MTFR1: variants seen among roughly 807,000 people sequenced by gnomAD.
MTFR1 encodes the protein mitochondrial fission regulator 1.
In MTFR1, 28 loss-of-function variants were observed where a neutral mutation model predicts 38.8. The ratio of observed to expected loss-of-function variants is 0.72; its 90% CI spans 0.53 to 0.99. MTFR1 has a LOEUF of 0.99. Ranked by LOEUF, MTFR1 falls within the 50% of genes least tolerant of loss-of-function variation. MTFR1 has a pLI of 0.00. For synonymous variants in MTFR1, 145 were observed against 137.0 expected, an observed-to-expected ratio of 1.06 and a Z score of -0.41; for missense variants, 358 against 395.5, an observed-to-expected ratio of 0.91 and a Z score of 0.81.
intron 3 of MTFR1, chr8:65,747,552 G>C: frequency 1.5e-6 from 1 of 663,394 alleles, no homozygotes; most frequent in Non-Finnish European, 2.3e-6. Context: ...GCTTTTCATA[G>C]ACAGAGAAAA....
chr8:65,677,582 G>T (rs918599955), intron 2 of MTFR1, among the ~76,000 whole-genome samples: 3 of 149,952 alleles, frequency 2.0e-5, no homozygotes, highest in African/African-American at 4.9e-5. Flanking sequence ...GGGTTTCACC[G>T]TGTTACCCAG....
At chr8:65,777,505 GATA>G in the MTFR1 span, among the ~76,000 whole-genome samples, 1 of 152,084 alleles carries the variant, frequency 6.6e-6, no homozygotes, top group African/African-American at 2.4e-5. Context: ...GATATAATTT[GATA>G]ATATGTTATT....
intron 3 of MTFR1, among the ~76,000 whole-genome samples, chr8:65,688,804 T>C (rs1228874503): frequency 6.6e-6 from 1 of 152,214 alleles, no homozygotes; most frequent in East Asian, 1.9e-4. Flanking sequence ...TAAATCTATG[T>C]AGGTAAAAAG....
chr8:65,690,061 G>C (rs374087922), intron 3 of MTFR1, among the ~76,000 whole-genome samples: 19 of 151,934 alleles, frequency 1.3e-4, no homozygotes, highest in East Asian at 5.8e-4. Context: ...GTTGTATCTT[G>C]TTGTTTTGTT....
intron 2 of MTFR1, chr8:65,682,079 C>G (rs1804911539): frequency 5.7e-6 from 1 of 174,666 alleles, no homozygotes; most frequent in South Asian, 2.0e-4. Flanking sequence ...AAAATTTTTA[C>G]TGTAAGTATA....
chr8:65,690,367 T>C (rs117469549), intron 3 of MTFR1, among the ~76,000 whole-genome samples: 6,298 of 151,868 alleles, frequency 0.041, 192 homozygotes, highest in Non-Finnish European at 0.063. Flanking sequence ...ATACCCCCCA[T>C]CTCTACCAAA....
intron 3 of MTFR1, among the ~76,000 whole-genome samples, chr8:65,686,179 T>G (rs1259936832): frequency 1.3e-5 from 2 of 152,222 alleles, no homozygotes; most frequent in African/African-American, 4.8e-5. Flanking sequence ...GATGTCATAC[T>G]GTATATGATG....
chr8:65,707,314 C>G lies in MTFR1; in HGVS notation c.764+58C>G. The G allele has an allele frequency of 1.9e-6, 3 of 1,542,112 alleles. No individual in the cohort carries two copies. In the East Asian group the frequency reaches 6.8e-5, roughly 35 times the overall value. ...TTGTTTGTCTTATAAAACCAAAGTA[C>G]CAGGCTTCTTGAGGAATTTTGTTTA... On this transcript the variant is annotated intron_variant, in intron 6 of 7. Transcript: ENST00000262146.
rs1805446764 is a variant in MTFR1 at position 65,696,491 on chromosome 8, G to A, written c.281+2732G>A. 2.0e-5 allele frequency among the ~76,000 whole-genome samples: 3 copies of A among 152,198 alleles called. No homozygotes were observed. In the South Asian group the frequency reaches 6.2e-4, roughly 32 times the overall value. ...TTGATGTTGATAAGTCAAGATGCAG[G>A]ACATTTCCATGCTACAGAGATCCTC... On this transcript the variant is annotated intron_variant, in intron 4 of 7. Transcript: ENST00000262146.
At chr8:65,646,579 T>C (rs1808969903) in intron 1 of MTFR1, among the ~76,000 whole-genome samples, 1 of 152,202 alleles carries the variant, frequency 6.6e-6, no homozygotes, top group Non-Finnish European at 1.5e-5. Flanking sequence ...ATACAAGTGC[T>C]AAAAATTTTA....
At chr8:65,715,379 GT>G (rs869132666), downstream of MTFR1, among the ~76,000 whole-genome samples, 3,106 of 133,342 alleles carry the variant, frequency 0.023, 36 homozygotes, top group South Asian at 0.037. Context: ...CTATAAAAAA[GT>G]TTTTTTTTTT....
intron 3 of MTFR1, among the ~76,000 whole-genome samples, chr8:65,757,775 C>T (rs1487529239): frequency 2.6e-5 from 4 of 152,096 alleles, no homozygotes; most frequent in Non-Finnish European, 4.4e-5. Context: ...TGTGCCACCA[C>T]GCCCGGCTAA....
intron 3 of MTFR1, chr8:65,725,465 C>T (rs1806572249): frequency 6.5e-6 from 1 of 154,220 alleles, no homozygotes; most frequent in Non-Finnish European, 1.5e-5. Context: ...AACTCAAGAA[C>T]CAATCAGTTA....
chr8:65,748,982 T>G (rs1310142110), intron 3 of MTFR1, among the ~76,000 whole-genome samples: 3 of 152,202 alleles, frequency 2.0e-5, no homozygotes, highest in Non-Finnish European at 4.4e-5. Flanking sequence ...CATCTTAATA[T>G]GAACTTCATT....
At chr8:65,676,708 C>T (rs1804717638) in intron 2 of MTFR1, among the ~76,000 whole-genome samples, 2 of 152,100 alleles carry the variant, frequency 1.3e-5, no homozygotes, top group African/African-American at 4.8e-5. Context: ...GTTTTTCCTG[C>T]TAAAAGTTGC....
At chr8:65,775,207 T>C (rs1363573230), downstream of MTFR1, among the ~76,000 whole-genome samples, 3 of 152,234 alleles carry the variant, frequency 2.0e-5, no homozygotes, top group African/African-American at 7.2e-5. Flanking sequence ...GCAACTTATC[T>C]CTTTTATTGC....
chr8:65,704,563 C>T (rs1406704971), intron 4 of MTFR1, 131 bp from the exon 5 acceptor site: 17 of 681,034 alleles, frequency 2.5e-5, no homozygotes, highest in South Asian at 9.6e-5. Context: ...TGTCCTTACA[C>T]GAAGGGACTT....
At chr8:65,662,027 C>T (rs1456679579) in intron 1 of MTFR1, among the ~76,000 whole-genome samples, 2 of 100,012 alleles carry the variant, frequency 2.0e-5, no homozygotes, top group African/African-American at 8.4e-5. Context: ...CTCCCTCTCT[C>T]TCTCCCTCTC....
At chr8:65,747,803 G>C in intron 3 of MTFR1, 1 of 1,595,002 alleles carries the variant, frequency 6.3e-7, no homozygotes, top group South Asian at 1.1e-5. Context: ...TTCAGATTGA[G>C]CTGAAATAAA....
Sources: gnomAD v4.1 joint callset for allele counts (sites outside exome capture counted in the v4.1 genomes callset) on GRCh38, gnomAD v4.1.1 for gene constraint, MANE v1.5 for transcripts, NCBI Gene and HGNC (gene_info 2026-07-23, HGNC 2026-07-21) for gene names.